The following STRBP variants were observed in gnomAD, a reference collection of about 807,000 sequenced individuals.
STRBP encodes spermatid perinuclear RNA-binding protein.
Under a neutral mutation model 80.1 loss-of-function variants are expected in STRBP, and 13 were observed. That is an observed-to-expected ratio of 0.16 (90% confidence interval 0.11 to 0.26). The LOEUF (loss-of-function observed/expected upper bound fraction) is 0.26. Ranked by LOEUF, STRBP falls within the 10% of genes least tolerant of loss-of-function variation. The pLI, the probability that STRBP is intolerant of heterozygous loss-of-function variation, is 1.00. For missense variants in STRBP, 485 were observed against 815.2 expected, an observed-to-expected ratio of 0.59 and a Z score of 4.93; for synonymous variants, 284 against 291.2, an observed-to-expected ratio of 0.98 and a Z score of 0.25.
At chr9:123,186,709 C>T (rs1433074429) in intron 2 of STRBP, among the ~76,000 whole-genome samples, 1 of 151,748 alleles carries the variant, frequency 6.6e-6, no homozygotes, top group African/African-American at 2.4e-5. Flanking sequence ...CAGACCAATG[C>T]TTTTTCCCCA....
intron 13 of STRBP, among the ~76,000 whole-genome samples, chr9:123,145,332 A>G (rs949677368): frequency 1.6e-4 from 25 of 152,220 alleles, no homozygotes; most frequent in African/African-American, 5.8e-4. Context: ...GTTCCATTAT[A>G]TCATAAAAAT....
intron 2 of STRBP, among the ~76,000 whole-genome samples, chr9:123,186,325 G>A (rs1240959254): frequency 1.3e-5 from 2 of 152,198 alleles, no homozygotes; most frequent in African/African-American, 2.4e-5. Context: ...TCCAGCCTGA[G>A]CAACAGAGCA....
intron 1 of STRBP, among the ~76,000 whole-genome samples, chr9:123,265,303 C>T (rs1451821583): frequency 1.3e-5 from 2 of 151,906 alleles, no homozygotes; most frequent in African/African-American, 4.8e-5. Context: ...ACTTATTATT[C>T]GAACATACAA....
chr9:123,157,872 A>G (rs1036142563), intron 11 of STRBP, 140 bp downstream of exon 11: 11 of 670,410 alleles, frequency 1.6e-5, no homozygotes, highest in Middle Eastern at 3.4e-4. Flanking sequence ...CAGCCAACCT[A>G]TATCAGTCAG....
intron 1 of STRBP, among the ~76,000 whole-genome samples, chr9:123,265,944 C>T (rs1038750470): frequency 9.2e-5 from 14 of 152,198 alleles, no homozygotes; most frequent in South Asian, 4.1e-4. Context: ...GTGTACATTA[C>T]TTCTGTCTGC....
intron 2 of STRBP, among the ~76,000 whole-genome samples, chr9:123,235,303 T>C (rs1564326310): frequency 6.6e-6 from 1 of 151,472 alleles, no homozygotes; most frequent in Admixed American, 6.6e-5. Flanking sequence ...GTTTTTTTTT[T>C]TCATTTTGCA....
rs2040952300 is a variant in STRBP, at chr9:123,253,187, T to C, written c.-302+15249A>G. Among the ~76,000 whole-genome samples the C allele has an allele frequency of 2.0e-5, 3 of 152,126 alleles. No homozygotes were observed. The South Asian group carries it at 6.2e-4, about 32-fold the overall frequency. ...TAAAATAAAATCATATAAAGACTCA[T>C]TAAAAGAGAAGAAAAAAAGAAACAG... is the stretch of plus-strand genomic sequence containing the variant. On this transcript the variant is annotated intron_variant, in intron 1 of 18. Transcript: ENST00000348403.
At chr9:123,179,332 CT>C in intron 3 of STRBP, 105 bp from the exon 4 acceptor site, 1 of 935,582 alleles carries the variant, frequency 1.1e-6, no homozygotes, top group Non-Finnish European at 1.6e-6. Context: ...TGACTGTCTA[CT>C]GTGAAACAGT....
chr9:123,127,484 GA>G (rs1247521415), intron 18 of STRBP, among the ~76,000 whole-genome samples: 1 of 152,106 alleles, frequency 6.6e-6, no homozygotes, highest in Admixed American at 6.5e-5. Flanking sequence ...CACCTGAGTA[GA>G]AAAAAGTGTC....
chr9:123,256,226 C>A (rs2041027034), intron 1 of STRBP, among the ~76,000 whole-genome samples: 1 of 151,774 alleles, frequency 6.6e-6, no homozygotes, highest in Non-Finnish European at 1.5e-5. Flanking sequence ...ATTATGTTGT[C>A]CAGGTTGGTC....
chr9:123,225,226 C>T (rs1049341188), intron 2 of STRBP, among the ~76,000 whole-genome samples: 18 of 152,032 alleles, frequency 1.2e-4, no homozygotes, highest in African/African-American at 4.4e-4. Flanking sequence ...TTCTGGGTAC[C>T]GGTTATAAGG....
intron 13 of STRBP, among the ~76,000 whole-genome samples, chr9:123,140,313 G>A (rs1307396203): frequency 6.6e-6 from 1 of 152,024 alleles, no homozygotes; most frequent in Admixed American, 6.6e-5. Context: ...ATTCAGTCTC[G>A]GCCAGACGCG....
At chr9:123,179,901 TAAACTGCCAAAGACTTCTAACCTTTCC>T (rs1293214645) in intron 3 of STRBP, among the ~76,000 whole-genome samples, 17 of 152,140 alleles carry the variant, frequency 1.1e-4, no homozygotes, top group Admixed American at 6.5e-5. Context: ...GAGTGACTCA[TAAACTGCCAAAGACTTCTAACCTTTCC>T]AAACTGCCAA....
Position 123,161,060 on chromosome 9 carries a change from A to C in STRBP, c.544T>G (p.Ser182Ala), listed in dbSNP as rs757272616. ...AATAAGTCCGGAGGATCTTTCATCGAAACATTTTCTAACAGTAAAATGGGA... is the reference window on the plus strand; with the variant it reads ...AATAAGTCCGGAGGATCTTTCATCGCAACATTTTCTAACAGTAAAATGGGA... ...ELEKKDGENV[S>A]MKDPPDLLDR... Residue 182 changes from serine (S) to alanine (A), a missense_variant, in exon 7 of 19, where the codon TCG (serine) becomes GCG (alanine). Ser to Ala is a moderately conservative substitution (Grantham distance 99). Coordinates refer to ENST00000348403, the MANE Select transcript of STRBP (RefSeq NM_018387.5). 1 of 1,599,834 alleles carries C rather than the reference A, an allele frequency of 6.3e-7. No individual in the cohort carries two copies. Among genetic ancestry groups the C allele is most frequent in the Admixed American group, 1.7e-5 (1 of 57,158 alleles).
chr9:123,147,098 A>C, intron 12 of STRBP, 44 bp from the exon 13 acceptor site: 1 of 1,569,170 alleles, frequency 6.4e-7, no homozygotes, highest in South Asian at 1.2e-5. Context: ...ACTAGAAAGT[A>C]ATTTTGCTTT....
rs2035780164 is a variant in STRBP, at chr9:123,123,020, A to G, written c.*2577T>C. 3 of 985,466 alleles carry G rather than the reference A, an allele frequency of 3.0e-6. No individual in the cohort carries two copies. The highest frequency in any genetic ancestry group is 3.6e-6 in the Non-Finnish European group (3 of 829,940). The allele number at this position is 985,466 out of a possible 1,614,324, so 61.0% of individuals were successfully genotyped here. A position where few individuals can be genotyped will look rare whatever the true frequency, so the allele number is the denominator to read the frequency against. On this transcript the variant is annotated 3_prime_UTR_variant, in exon 19 of 19. Transcript: ENST00000348403. The stretch of plus-strand genomic sequence containing the variant: ...TCATTGCTTTCAAAAAGAGGGTGTC[A>G]GAGTGGAGTGTCTGAAAGCTGGATA...
chr9:123,120,501 G>T (rs1207990500), downstream of STRBP, among the ~76,000 whole-genome samples: 3 of 126,032 alleles, frequency 2.4e-5, no homozygotes, highest in African/African-American at 8.7e-5. Flanking sequence ...GGGGGGGGGG[G>T]GGCAGGGGCG....
chr9:123,134,927 T>TTA (rs1310748342), intron 16 of STRBP, among the ~76,000 whole-genome samples: 8 of 152,362 alleles, frequency 5.3e-5, no homozygotes, highest in African/African-American at 1.7e-4. Context: ...TTTAAAGGCT[T>TTA]TAAAAATTTT....
At position 123,243,265 on chromosome 9, in the gene STRBP, CAA is replaced by C. The variant is rs1160280485; in HGVS notation, c.-301-6301_-301-6300del. On this transcript the variant is annotated intron_variant, in intron 1 of 18. Coordinates refer to ENST00000348403, the MANE Select transcript of STRBP (RefSeq NM_018387.5). ...CTAGAGGAATTAGACATCAATAAGA[CAA>C]AAAAAAAAAAAAAAAAAGAAAAATA... Among the ~76,000 whole-genome samples, 394 of 78,926 alleles carry C rather than the reference CAA, an allele frequency of 5.0e-3. 1 individual carries two copies. Among genetic ancestry groups the C allele is most frequent in the Admixed American group, 0.012 (79 of 6,834 alleles). The allele number at this position is 78,926 out of a possible 152,430, so 51.8% of individuals were successfully genotyped here. A position where few individuals can be genotyped will look rare whatever the true frequency, so the allele number is the denominator to read the frequency against.
Sources: allele counts gnomAD v4.1 joint callset (sites outside exome capture counted in the v4.1 genomes callset), GRCh38; gene constraint gnomAD v4.1.1; transcripts MANE v1.5; gene names NCBI Gene and HGNC (gene_info 2026-07-23, HGNC 2026-07-21).